The following GABRB1 variants were observed in gnomAD, a reference collection of about 807,000 sequenced individuals.
GABRB1 encodes the protein gamma-aminobutyric acid receptor subunit beta-1.
A neutral mutation model predicts 51.6 loss-of-function variants in GABRB1; 17 were observed. That is an observed-to-expected ratio of 0.33 (90% confidence interval 0.23 to 0.49). The LOEUF (loss-of-function observed/expected upper bound fraction) is 0.49. GABRB1 is among the 20% of genes least tolerant of loss of function. The probability of loss-of-function intolerance (pLI) is 0.99; values close to 1 mark genes in which losing one functional copy is unlikely to be tolerated. For missense variants in GABRB1, 410 were observed against 600.6 expected (o/e 0.68, Z 3.32); for synonymous variants, 247 against 218.9 (o/e 1.13, Z -1.14).
intron 5 of GABRB1, among the ~76,000 whole-genome samples, chr4:47,336,193 A>G (rs1016681018): frequency 9.9e-5 from 15 of 152,204 alleles, no homozygotes; most frequent in Admixed American, 9.2e-4. Flanking sequence ...TTTAGAGTTC[A>G]GAGGAGAGAT....
chr4:47,157,837 A>G (rs751564853), intron 3 of GABRB1, among the ~76,000 whole-genome samples: 1 of 152,102 alleles, frequency 6.6e-6, no homozygotes, highest in Non-Finnish European at 1.5e-5. Context: ...CAGGTCCTAG[A>G]TTAGGCTACT....
At chr4:47,224,563 T>C (rs1254918523) in intron 4 of GABRB1, among the ~76,000 whole-genome samples, 3 of 152,084 alleles carry the variant, frequency 2.0e-5, no homozygotes, top group African/African-American at 7.2e-5. Context: ...GGTCAAGAAC[T>C]TATACATCAA....
chr4:47,136,311 T>G (rs753833818), intron 3 of GABRB1, among the ~76,000 whole-genome samples: 19 of 152,092 alleles, frequency 1.2e-4, no homozygotes, highest in Admixed American at 3.9e-4. Context: ...GATTTTCCTT[T>G]CCCTGGAACA....
At chr4:47,052,676 T>G (rs181532087) in intron 3 of GABRB1, among the ~76,000 whole-genome samples, 2 of 152,222 alleles carry the variant, frequency 1.3e-5, no homozygotes, top group East Asian at 3.9e-4. Context: ...GTCTTCTTGC[T>G]GGCTCTGCTG....
chr4:47,021,478 G>GA (rs1049267895), intron 1 of GABRB1, among the ~76,000 whole-genome samples: 20 of 152,078 alleles, frequency 1.3e-4, no homozygotes, highest in Middle Eastern at 3.2e-3. Flanking sequence ...ATGAAGCTGG[G>GA]AAAAAATAAG....
In GABRB1 at chr4:47,404,230, C is replaced by T. The variant is rs140901839; in HGVS notation, c.835+519C>T. ...CTTGAATAAGGCACAGACAATTCAT[C>T]AGCTATATTAATAATCTGTGGTCAA... On this transcript the variant is annotated intron_variant, in intron 7 of 8. Transcript: ENST00000295454. Among the ~76,000 whole-genome samples the T allele has an allele frequency of 9.6e-3, 1,459 of 152,238 alleles. 23 individuals are homozygous for T. Among genetic ancestry groups the T allele is most frequent in the African/African-American group, 0.033 (1,391 of 41,548 alleles).
intron 3 of GABRB1, among the ~76,000 whole-genome samples, chr4:47,039,715 C>T (rs1030797596): frequency 2.6e-5 from 4 of 152,024 alleles, no homozygotes; most frequent in Non-Finnish European, 5.9e-5. Flanking sequence ...CATTTGCAGC[C>T]TATATACATT....
chr4:47,194,899 C>T (rs1175027841), intron 4 of GABRB1, among the ~76,000 whole-genome samples: 1 of 152,140 alleles, frequency 6.6e-6, no homozygotes, highest in Admixed American at 6.6e-5. Context: ...CTTATCTAGG[C>T]TTTAGGAGTC....
intron 5 of GABRB1, among the ~76,000 whole-genome samples, chr4:47,320,458 CT>C (rs1725039500): frequency 6.6e-6 from 1 of 152,180 alleles, no homozygotes; most frequent in Non-Finnish European, 1.5e-5. Flanking sequence ...AACGTAGTTT[CT>C]CCCAAAGCCT....
At chr4:47,077,827 T>C in intron 3 of GABRB1, among the ~76,000 whole-genome samples, 1 of 141,390 alleles carries the variant, frequency 7.1e-6, no homozygotes, top group East Asian at 2.0e-4. Context: ...AAAAATATAA[T>C]ATATATTATA....
chr4:47,267,390 G>C (rs1432582778), intron 4 of GABRB1, among the ~76,000 whole-genome samples: 1 of 149,962 alleles, frequency 6.7e-6, no homozygotes, highest in African/African-American at 2.5e-5. Flanking sequence ...AAGCCTCATA[G>C]AAAGTAGAAA....
chr4:47,187,033 C>A (rs561820981), intron 4 of GABRB1, among the ~76,000 whole-genome samples: 1 of 151,794 alleles, frequency 6.6e-6, no homozygotes, highest in Non-Finnish European at 1.5e-5. Context: ...AAATGTTGCA[C>A]GCCTAGTAAA....
chr4:47,076,928 C>G (rs571932971), intron 3 of GABRB1, among the ~76,000 whole-genome samples: 20 of 152,202 alleles, frequency 1.3e-4, no homozygotes, highest in Non-Finnish European at 2.5e-4. Flanking sequence ...TGGCCCACTG[C>G]TGAGATTGTA....
At chr4:47,353,801 C>A (rs1014442813) in intron 5 of GABRB1, among the ~76,000 whole-genome samples, 1 of 152,144 alleles carries the variant, frequency 6.6e-6, no homozygotes, top group African/African-American at 2.4e-5. Context: ...TAACCGAGTT[C>A]ACAACTCTTT....
At chr4:47,351,891 A>G (rs1243070173) in intron 5 of GABRB1, among the ~76,000 whole-genome samples, 31 of 151,898 alleles carry the variant, frequency 2.0e-4, no homozygotes, top group African/African-American at 6.5e-4. Context: ...TGTCTTTATA[A>G]CAGCATGATT....
chr4:47,354,915 GCC>G (rs1726496253), intron 5 of GABRB1, among the ~76,000 whole-genome samples: 2 of 5,972 alleles, frequency 3.3e-4, no homozygotes, highest in South Asian at 7.8e-3. Context: ...CTGCCTGCCT[GCC>G]TGCCTGCCTG....
intron 4 of GABRB1, among the ~76,000 whole-genome samples, chr4:47,189,696 C>T (rs192272887): frequency 1.3e-5 from 2 of 151,934 alleles, no homozygotes; most frequent in East Asian, 1.9e-4. Context: ...ACATTTTTAT[C>T]GACATGTTCA....
intron 3 of GABRB1, among the ~76,000 whole-genome samples, chr4:47,144,610 A>T (rs999184085): frequency 1.3e-5 from 2 of 151,966 alleles, no homozygotes; most frequent in Non-Finnish European, 2.9e-5. Flanking sequence ...TTTAATGGAT[A>T]AGGTAACTGA....
At chr4:47,233,423 C>T (rs927120059) in intron 4 of GABRB1, among the ~76,000 whole-genome samples, 9 of 152,078 alleles carry the variant, frequency 5.9e-5, no homozygotes, top group Non-Finnish European at 1.3e-4. Context: ...TATCCTTTGC[C>T]ACTGCTTGCC....
Sources: allele counts gnomAD v4.1 joint callset (sites outside exome capture counted in the v4.1 genomes callset), GRCh38; gene constraint gnomAD v4.1.1; transcripts MANE v1.5; gene names NCBI Gene and HGNC (gene_info 2026-07-23, HGNC 2026-07-21).